IL1RAPL2: variants seen among roughly 807,000 people sequenced by gnomAD.
IL1RAPL2 encodes the protein interleukin 1 receptor accessory protein like 2.
IL1RAPL2 carries 3 observed loss-of-function variants against 44.1 expected under a neutral mutation model. That is an observed-to-expected ratio of 0.07 (90% confidence interval 0.03 to 0.18). The LOEUF is 0.18. Ranked by LOEUF, IL1RAPL2 falls within the 10% of genes least tolerant of loss-of-function variation. The pLI is 1.00. For synonymous variants in IL1RAPL2, 181 were observed against 178.8 expected, an observed-to-expected ratio of 1.01 and a Z score of -0.10; for missense variants, 391 against 496.4, an observed-to-expected ratio of 0.79 and a Z score of 2.02.
chrX:105,747,508 GTGTGTGTGTA>G (rs1190051443), intron 8 of IL1RAPL2, among the ~76,000 whole-genome samples: 11 of 60,491 alleles, frequency 1.8e-4, no homozygotes, highest in Non-Finnish European at 2.9e-4. Flanking sequence ...GTGTGTGTGT[GTGTGTGTGTA>G]TATATATATA....
At chrX:105,048,923 T>C (rs1160159848) in intron 2 of IL1RAPL2, among the ~76,000 whole-genome samples, 1 of 112,327 alleles carries the variant, frequency 8.9e-6, no homozygotes, top group African/African-American at 3.2e-5. Context: ...TTAATGCCTT[T>C]ATCTTCCAAA....
intron 2 of IL1RAPL2, among the ~76,000 whole-genome samples, chrX:105,075,243 T>C (rs1163574290): frequency 8.9e-6 from 1 of 112,038 alleles, no homozygotes; most frequent in Non-Finnish European, 1.9e-5. Flanking sequence ...GGAGAGTTTT[T>C]AGCATGAAGG....
chrX:104,892,862 C>G (rs773564092), intron 2 of IL1RAPL2, among the ~76,000 whole-genome samples: 1 of 111,846 alleles, frequency 8.9e-6, no homozygotes, highest in Admixed American at 9.5e-5. Flanking sequence ...TCTTGCTTCT[C>G]TAGTTCTCTT....
chrX:104,693,095 C>G (rs968836956), intron 2 of IL1RAPL2, among the ~76,000 whole-genome samples: 1 of 111,991 alleles, frequency 8.9e-6, no homozygotes, highest in Non-Finnish European at 1.9e-5. Context: ...CTCTTTCGAG[C>G]CCATGAAAGA....
At chrX:105,222,380 G>A (rs1185507976) in intron 3 of IL1RAPL2, among the ~76,000 whole-genome samples, 1 of 112,131 alleles carries the variant, frequency 8.9e-6, no homozygotes, top group African/African-American at 3.2e-5. Flanking sequence ...TACCTAAGAA[G>A]GTAGTTAAAC....
At chrX:105,082,724 G>T (rs1391933758) in intron 2 of IL1RAPL2, among the ~76,000 whole-genome samples, 1 of 111,828 alleles carries the variant, frequency 8.9e-6, no homozygotes, top group Non-Finnish European at 1.9e-5. Flanking sequence ...CTGTTAGAAG[G>T]AAAACTAACA....
At chrX:104,608,722 T>G (rs1489887741) in intron 1 of IL1RAPL2, among the ~76,000 whole-genome samples, 1 of 105,932 alleles carries the variant, frequency 9.4e-6, no homozygotes, top group Non-Finnish European at 1.9e-5. Context: ...CTCCATCCCT[T>G]TATTTTGAGC....
chrX:105,680,627 T>C (rs1167568485), intron 6 of IL1RAPL2, among the ~76,000 whole-genome samples: 1 of 112,011 alleles, frequency 8.9e-6, no homozygotes, highest in South Asian at 3.7e-4. Flanking sequence ...GCTATGAAAA[T>C]AAAAATGTTC....
intron 6 of IL1RAPL2, among the ~76,000 whole-genome samples, chrX:105,631,010 A>G (rs1249603033): frequency 9.0e-6 from 1 of 111,479 alleles, no homozygotes; most frequent in African/African-American, 3.3e-5. Flanking sequence ...CACCACTGGA[A>G]TTTAAGAATG....
chrX:104,907,384 A>T (rs1225362734), intron 2 of IL1RAPL2, among the ~76,000 whole-genome samples: 1 of 109,724 alleles, frequency 9.1e-6, no homozygotes, highest in Non-Finnish European at 1.9e-5. Context: ...AGTTCTTTTA[A>T]TTGTGATGTT....
At chrX:105,523,167 T>C (rs1245535419) in intron 6 of IL1RAPL2, among the ~76,000 whole-genome samples, 1 of 111,803 alleles carries the variant, frequency 8.9e-6, no homozygotes, top group Admixed American at 9.5e-5. Flanking sequence ...AACATCAGTA[T>C]CTAGATGATT....
At chrX:104,900,883 G>A (rs1923793394) in intron 2 of IL1RAPL2, among the ~76,000 whole-genome samples, 2 of 111,803 alleles carry the variant, frequency 1.8e-5, no homozygotes, top group South Asian at 7.5e-4. Context: ...AGGGAGAGAC[G>A]AAGGAATGGG....
intron 4 of IL1RAPL2, among the ~76,000 whole-genome samples, chrX:105,248,507 A>G (rs1223296149): frequency 9.0e-6 from 1 of 111,477 alleles, no homozygotes; most frequent in African/African-American, 3.3e-5. Context: ...TGTTTAAACA[A>G]TGACACTATA....
At chrX:104,677,297 G>C (rs1176909810) in intron 2 of IL1RAPL2, among the ~76,000 whole-genome samples, 1 of 110,357 alleles carries the variant, frequency 9.1e-6, no homozygotes, top group Non-Finnish European at 1.9e-5. Context: ...CTTTCTGTTT[G>C]TTAGTTTTCC....
At chrX:104,906,521 G>T (rs1202116445) in intron 2 of IL1RAPL2, among the ~76,000 whole-genome samples, 6 of 111,666 alleles carry the variant, frequency 5.4e-5, no homozygotes, top group African/African-American at 2.0e-4. Flanking sequence ...ATGAAGGGTT[G>T]TTGAATTTTG....
Position 105,247,668 on chromosome X carries a change from T to C in IL1RAPL2, c.543+13664T>C, listed in dbSNP as rs2034233226. ...GTCTGTATTTAAAAGCTGATTGTTT[T>C]GACAAATCGAACAGTGAAGAGGTAT... On this transcript the variant is annotated intron_variant, in intron 4 of 10. Transcript: ENST00000372582. Among the ~76,000 whole-genome samples, 3 of 106,349 alleles carry C rather than the reference T, an allele frequency of 2.8e-5. No individual in the cohort carries two copies. In the South Asian group the frequency reaches 1.3e-3, roughly 45 times the overall value. The allele number at this position is 106,349 out of a possible 115,157, so 92.4% of individuals were successfully genotyped here.
At chrX:104,697,595 A>G (rs2208231) in intron 2 of IL1RAPL2, among the ~76,000 whole-genome samples, 37,433 of 110,575 alleles carry the variant, frequency 0.34, 5,504 homozygotes, top group East Asian at 0.46. Context: ...CAGTGTCACT[A>G]TGTTAGGGCT....
intron 10 of IL1RAPL2, among the ~76,000 whole-genome samples, chrX:105,756,766 C>T (rs976766525): frequency 7.2e-5 from 8 of 111,278 alleles, no homozygotes; most frequent in South Asian, 3.8e-4. Context: ...CCCATTTTTA[C>T]GACTTGAAAT....
chrX:105,421,625 A>G (rs1212804332), intron 5 of IL1RAPL2, among the ~76,000 whole-genome samples: 1 of 111,488 alleles, frequency 9.0e-6, no homozygotes, highest in Non-Finnish European at 1.9e-5. Context: ...AATAGGGGGA[A>G]GAGGGGAGAA....
Sources: gnomAD v4.1 joint callset for allele counts (sites outside exome capture counted in the v4.1 genomes callset) on GRCh38, gnomAD v4.1.1 for gene constraint, MANE v1.5 for transcripts, NCBI Gene and HGNC (gene_info 2026-07-23, HGNC 2026-07-21) for gene names.